The following NAV2 variants were observed in gnomAD, a reference collection of about 807,000 sequenced individuals.
NAV2 encodes the protein helicase, APC down-regulated 1.
Under a neutral mutation model 223.2 loss-of-function variants are expected in NAV2, and 54 were observed. The observed-to-expected ratio is 0.24, with a 90% CI of 0.19 to 0.30. The LOEUF is 0.30. Among genes scored for constraint, NAV2 ranks in the 10% least tolerant of loss-of-function variants. NAV2 has a pLI of 1.00. For missense variants in NAV2, 2,806 were observed against 3,147.5 expected (o/e 0.89, Z 2.60); for synonymous variants, 1,279 against 1,239.3 (o/e 1.03, Z -0.67).
chr11:20,073,188 A>T (rs1453363886), intron 22 of NAV2, among the ~76,000 whole-genome samples: 1 of 152,152 alleles, frequency 6.6e-6, no homozygotes. Flanking sequence ...ATCTATTGAG[A>T]TAATCATGTG....
chr11:19,492,224 A>G (rs1010910075), intron 1 of NAV2, among the ~76,000 whole-genome samples: 9 of 152,100 alleles, frequency 5.9e-5, no homozygotes, highest in African/African-American at 1.7e-4. Context: ...ATGCTATTGG[A>G]AAAATGGCAC....
At chr11:19,747,882 C>A (rs2053509352) in intron 1 of NAV2, among the ~76,000 whole-genome samples, 2 of 152,182 alleles carry the variant, frequency 1.3e-5, no homozygotes, top group Admixed American at 6.5e-5. Flanking sequence ...GAGCTTCCGG[C>A]CCAGGTAGAG....
intron 26 of NAV2, among the ~76,000 whole-genome samples, chr11:20,087,105 C>T (rs749863502): frequency 3.3e-5 from 5 of 152,122 alleles, no homozygotes; most frequent in Non-Finnish European, 7.4e-5. Flanking sequence ...GTTACAGCTG[C>T]CGGCCAGCAA....
chr11:19,513,503 G>A (rs969466482), intron 1 of NAV2, among the ~76,000 whole-genome samples: 28 of 152,190 alleles, frequency 1.8e-4, no homozygotes, highest in Non-Finnish European at 3.4e-4. Context: ...GGGCCAGGGT[G>A]TGGCCTAAGG....
At chr11:20,093,744 T>G (rs560338578) in intron 29 of NAV2, among the ~76,000 whole-genome samples, 1 of 152,284 alleles carries the variant, frequency 6.6e-6, no homozygotes, top group South Asian at 2.1e-4. Flanking sequence ...GTTTTCCTAG[T>G]ACGGTTTCTG....
At chr11:20,065,342 T>C (rs1283458185) in intron 20 of NAV2, among the ~76,000 whole-genome samples, 1 of 152,354 alleles carries the variant, frequency 6.6e-6, no homozygotes, top group Non-Finnish European at 1.5e-5. Flanking sequence ...AGTAGATTCT[T>C]TCCTTGAAAT....
intron 1 of NAV2, among the ~76,000 whole-genome samples, chr11:19,424,751 A>C (rs776491413): frequency 2.0e-5 from 3 of 151,952 alleles, no homozygotes; most frequent in Non-Finnish European, 4.4e-5. Flanking sequence ...GGGTTTCGCC[A>C]TGTTGGCCAG....
chr11:19,962,728 C>T (rs1447512469), intron 10 of NAV2, among the ~76,000 whole-genome samples: 1 of 152,128 alleles, frequency 6.6e-6, no homozygotes, highest in Non-Finnish European at 1.5e-5. Flanking sequence ...GGCATGGACA[C>T]CTCCAGAGAG....
At chr11:19,353,930 A>G (rs1293146992) in intron 1 of NAV2, among the ~76,000 whole-genome samples, 1 of 152,168 alleles carries the variant, frequency 6.6e-6, no homozygotes. Context: ...ATTTTTAGGA[A>G]GCTTGCTTTG....
intron 1 of NAV2, among the ~76,000 whole-genome samples, chr11:19,494,176 A>G (rs1219176593): frequency 6.6e-6 from 1 of 152,236 alleles, no homozygotes; most frequent in Non-Finnish European, 1.5e-5. Context: ...GGCAGCTGAA[A>G]GAAGTGGCAA....
chr11:19,763,800 G>GTT (rs36000037), intron 1 of NAV2, among the ~76,000 whole-genome samples: 12 of 87,468 alleles, frequency 1.4e-4, no homozygotes, highest in African/African-American at 4.6e-4. Flanking sequence ...TGTTTTTTTT[G>GTT]TTTTTTTTTT....
At chr11:20,114,912 C>A in intron 37 of NAV2, 117 bp downstream of exon 37, 2 of 1,063,016 alleles carry the variant, frequency 1.9e-6, no homozygotes, top group Non-Finnish European at 2.7e-6. Context: ...CTTTGGAAGG[C>A]TGGACCCAAA....
chr11:19,445,493 T>C (rs1351247937), intron 1 of NAV2, among the ~76,000 whole-genome samples: 3 of 152,164 alleles, frequency 2.0e-5, no homozygotes, highest in African/African-American at 7.2e-5. Flanking sequence ...ACTTTATAGA[T>C]AAGGAAGCTG....
intron 7 of NAV2, among the ~76,000 whole-genome samples, chr11:19,937,136 A>T (rs1276635332): frequency 6.6e-6 from 1 of 152,158 alleles, no homozygotes; most frequent in Non-Finnish European, 1.5e-5. Context: ...AGACTGTCTC[A>T]AAAACAAACA....
intron 11 of NAV2, among the ~76,000 whole-genome samples, chr11:20,027,909 T>G (rs1310889767): frequency 2.6e-5 from 4 of 152,244 alleles, no homozygotes. Flanking sequence ...AAAAATCTGT[T>G]TAATCATCCC....
chr11:19,388,682 G>A lies in NAV2; in HGVS notation c.75+37655G>A, dbSNP rs150731492. On this transcript the variant is annotated intron_variant, in intron 1 of 37. Coordinates refer to the NAV2 transcript ENST00000360655. ...TTTCCTAGAGACTTACGAAATAAAC[G>A]TTAGCAGTGTAGGTACGCTGGGCAA... 5.3e-4 allele frequency among the ~76,000 whole-genome samples: 80 copies of A among 152,246 alleles called. No individual in the cohort carries two copies. The East Asian group carries it at 7.5e-3, about 14-fold the overall frequency.
intron 1 of NAV2, among the ~76,000 whole-genome samples, chr11:19,569,046 T>A (rs1411363089): frequency 1.3e-5 from 2 of 152,364 alleles, no homozygotes; most frequent in Non-Finnish European, 1.5e-5. Flanking sequence ...AGCTTCTGCA[T>A]GGTCATGAAA....
At chr11:19,932,251 A>AAG (rs1565583420) in intron 6 of NAV2, among the ~76,000 whole-genome samples, 1 of 149,850 alleles carries the variant, frequency 6.7e-6, no homozygotes, top group Non-Finnish European at 1.5e-5. Flanking sequence ...AAAAAAAAAA[A>AAG]AAAAAAAAAG....
chr11:19,793,409 G>A (rs907757615), intron 1 of NAV2, among the ~76,000 whole-genome samples: 28 of 152,114 alleles, frequency 1.8e-4, no homozygotes, highest in African/African-American at 6.5e-4. Flanking sequence ...ATTTAGAAAA[G>A]CCAATCAAAT....
Sources: gnomAD v4.1 joint callset for allele counts (sites outside exome capture counted in the v4.1 genomes callset) on GRCh38, gnomAD v4.1.1 for gene constraint, MANE v1.5 for transcripts, NCBI Gene and HGNC (gene_info 2026-07-23, HGNC 2026-07-21) for gene names.